THOP1: variants seen among roughly 807,000 people sequenced by gnomAD.
The protein encoded by THOP1 is thimet oligopeptidase 1.
Under a neutral mutation model 71.8 loss-of-function variants are expected in THOP1, and 49 were observed. The observed-to-expected ratio is 0.68, with a 90% CI of 0.54 to 0.87. THOP1 has a LOEUF of 0.87. THOP1 is among the 40% of genes least tolerant of loss of function. The pLI is 0.00. For synonymous variants in THOP1, 426 were observed against 421.5 expected, an observed-to-expected ratio of 1.01 and a Z score of -0.13; for missense variants, 843 against 975.6, an observed-to-expected ratio of 0.86 and a Z score of 1.81.
Position 2,797,669 on chromosome 19 carries a change from T to C in THOP1, c.486+1481T>C, listed in dbSNP as rs1320394456. On this transcript the variant is annotated intron_variant, in intron 4 of 12. Transcript: ENST00000307741. ...GGTTAAGCTGTGATGTTCGCTCCTA[T>C]TAAATGCATTTGTGATTTATGATAT... Among the ~76,000 whole-genome samples, 6 of 152,250 alleles carry C rather than the reference T, an allele frequency of 3.9e-5. No individual in the cohort carries two copies. The East Asian group carries it at 9.6e-4, about 24-fold the overall frequency.
intron 5 of THOP1, among the ~76,000 whole-genome samples, chr19:2,803,186 C>G (rs1383416987): frequency 6.6e-6 from 1 of 152,222 alleles, no homozygotes; most frequent in Non-Finnish European, 1.5e-5. Context: ...GACTTAGGCA[C>G]CGGATGTGTT....
In THOP1 at chr19:2,810,307, G is replaced by C; in HGVS notation, c.1459G>C (p.Glu487Gln). 6.2e-7 allele frequency: 1 copy of C among 1,610,748 alleles called. No homozygotes were observed. The change falls in exon 10 of 13, where the codon GAG becomes CAG. Residue 487 changes from glutamate (E) to glutamine (Q), a missense_variant. By Grantham distance (29) the Glu-to-Gln change is conservative (BLOSUM62 2). Transcript: ENST00000307741. ...HVMHQLCSQA[E>Q]FAMFSGTHVE... ...AGGCTCTGCCCCATCCCTGCAGGCG[G>C]AGTTCGCCATGTTCAGCGGGACCCA...
rs1428248231 is a variant in THOP1 at position 2,814,363 on chromosome 19, C to T, written c.*1087C>T. 3 of 152,318 alleles carry T rather than the reference C, an allele frequency of 2.0e-5. No homozygotes were observed. The highest frequency in any genetic ancestry group is 4.4e-5 in the Non-Finnish European group (3 of 68,106). 9.4% of individuals were successfully genotyped at this position (152,318 alleles called of 1,614,324 possible). A position where few individuals can be genotyped will look rare whatever the true frequency, so the allele number is the denominator to read the frequency against. On this transcript the variant is annotated 3_prime_UTR_variant, in exon 13 of 13. Coordinates refer to ENST00000307741, the MANE Select transcript of THOP1 (RefSeq NM_003249.5). ...CTGTGAGTTTCTCAGGAGCCCCCCT[C>T]GTGCCCTGGGAGCGTCCCTCCCCAG...
At chr19:2,807,829 C>CG in intron 8 of THOP1, 21 bp downstream of exon 8, 4 of 1,441,394 alleles carry the variant, frequency 2.8e-6, no homozygotes, top group South Asian at 2.9e-5. Flanking sequence ...GCAGCGGGGG[C>CG]GGGGGGCGCA....
intron 9 of THOP1, among the ~76,000 whole-genome samples, chr19:2,808,653 C>T (rs1447293820): frequency 6.6e-6 from 1 of 152,280 alleles, no homozygotes; most frequent in African/African-American, 2.4e-5. Context: ...AGGGCTTACA[C>T]AAGGTGCGTG....
chr19:2,785,913 C>G (rs925996497), intron 1 of THOP1, among the ~76,000 whole-genome samples: 2 of 152,078 alleles, frequency 1.3e-5, no homozygotes, highest in African/African-American at 4.8e-5. Context: ...CCGGATGGGT[C>G]GGGCCCCGTG....
intron 1 of THOP1, among the ~76,000 whole-genome samples, chr19:2,785,899 C>T (rs1308605634): frequency 6.6e-6 from 1 of 152,194 alleles, no homozygotes; most frequent in Non-Finnish European, 1.5e-5. Flanking sequence ...ATGGCGCTTC[C>T]CTTCCGGATG....
rs759470612 is a variant in THOP1 at position 2,810,787 on chromosome 19, G to T, written c.1771+19G>T. On this transcript the variant is annotated intron_variant, in intron 11 of 12. Coordinates refer to ENST00000307741, the MANE Select transcript of THOP1 (RefSeq NM_003249.5). ...ACGCCAGGTAGCCACCCTTGAGCCGGGCACACCCTGGAATTTGGAGCCTCA... is the reference window on the plus strand; with the variant it reads ...ACGCCAGGTAGCCACCCTTGAGCCGTGCACACCCTGGAATTTGGAGCCTCA... 1.3e-6 allele frequency: 2 copies of T among 1,594,336 alleles called. No individual in the cohort carries two copies. Among genetic ancestry groups the T allele is most frequent in the South Asian group, 2.2e-5 (2 of 89,142 alleles).
chr19:2,796,208 AGT>A lies in THOP1; in HGVS notation c.486+22_486+23del. On this transcript the variant is annotated intron_variant, in intron 4 of 12. Coordinates refer to ENST00000307741, the MANE Select transcript of THOP1 (RefSeq NM_003249.5). ...CAGGAAGTGAGTGCTGGGTGTAGGG[AGT>A]GCTGGGCGTGGGCAATGGTCGATCC... The A allele has an allele frequency of 6.3e-7, 1 of 1,591,666 alleles. No homozygotes were observed. Among genetic ancestry groups the A allele is most frequent in the Non-Finnish European group, 8.6e-7 (1 of 1,162,710 alleles).
rs1181143693 is a variant in THOP1 at position 2,813,103 on chromosome 19, T to C, written c.1909-12T>C. 6 of 1,602,306 alleles carry C rather than the reference T, an allele frequency of 3.7e-6. No individual in the cohort carries two copies. Among genetic ancestry groups the C allele is most frequent in the Non-Finnish European group, 4.3e-6 (5 of 1,173,544 alleles). On this transcript the variant is annotated splice_polypyrimidine_tract_variant and intron_variant, in intron 12 of 12. Transcript: ENST00000307741. ...GTCCCCACCCGGCCACAGTGCCCTG[T>C]CTCCTCGGCAGGTTGGCATGGATTA... is the stretch of plus-strand genomic sequence containing the variant.
chr19:2,786,106 C>T (rs1040644257), intron 1 of THOP1, among the ~76,000 whole-genome samples: 1 of 151,750 alleles, frequency 6.6e-6, no homozygotes, highest in Non-Finnish European at 1.5e-5. Context: ...GAGGGTGGTT[C>T]CTGGGGGGCT....
At chr19:2,799,514 G>GT (rs750685615) in intron 4 of THOP1, among the ~76,000 whole-genome samples, 175 bp from the exon 5 acceptor site, 27 of 152,158 alleles carry the variant, frequency 1.8e-4, no homozygotes, top group Non-Finnish European at 3.5e-4. Flanking sequence ...CGTGGCCTCC[G>GT]TGTCTGTCTG....
rs1449892107 is a variant in THOP1, at chr19:2,811,969, C to T, written c.1908+235C>T. 17 of 1,112,142 alleles carry T rather than the reference C, an allele frequency of 1.5e-5. No individual in the cohort carries two copies. The Admixed American group carries it at 2.4e-4, about 16-fold the overall frequency. The allele number at this position is 1,112,142 out of a possible 1,614,324, so 68.9% of individuals were successfully genotyped here. A position where few individuals can be genotyped will look rare whatever the true frequency, so the allele number is the denominator to read the frequency against. On this transcript the variant is annotated intron_variant, in intron 12 of 12. Coordinates refer to ENST00000307741, the MANE Select transcript of THOP1 (RefSeq NM_003249.5). ...GGTGTGCCGGGTGAGCCATCCCGGC[C>T]GAGGCACCTGCTGGTCTTGGTGCGG...
chr19:2,797,547 G>A (rs1430101517), intron 4 of THOP1, among the ~76,000 whole-genome samples: 1 of 152,256 alleles, frequency 6.6e-6, no homozygotes, highest in African/African-American at 2.4e-5. Context: ...GAAGTTACAT[G>A]AGATACCCAA....
rs2144770380 is a variant in THOP1, at chr19:2,801,685, G to T, written c.589+1894G>T. Among the ~76,000 whole-genome samples the T allele has an allele frequency of 6.6e-6, 1 of 152,304 alleles. No homozygotes were observed. The highest frequency in any genetic ancestry group is 1.5e-5 in the Non-Finnish European group (1 of 68,004). On this transcript the variant is annotated intron_variant, in intron 5 of 12. Coordinates refer to ENST00000307741, the MANE Select transcript of THOP1 (RefSeq NM_003249.5). The surrounding 1 kb of genome is among the most constrained non-coding windows in gnomAD (Gnocchi z 5.1). Reference sequence around the variant, plus strand: ...TTGTCACAGCTCTGGAGGCTGAGAAGTCCCAGGTCGAGGGGCCATATCTGG... The same window carrying T: ...TTGTCACAGCTCTGGAGGCTGAGAATTCCCAGGTCGAGGGGCCATATCTGG...
intron 1 of THOP1, among the ~76,000 whole-genome samples, chr19:2,788,051 C>G (rs146515881): frequency 6.6e-6 from 1 of 152,138 alleles, no homozygotes; most frequent in Non-Finnish European, 1.5e-5. Flanking sequence ...AAAATGTCCC[C>G]GGCCCCAAGA....
intron 12 of THOP1, 134 bp from the exon 13 acceptor site, chr19:2,812,981 G>A (rs936815526): frequency 5.4e-5 from 56 of 1,029,240 alleles, no homozygotes; most frequent in South Asian, 6.8e-5. Context: ...TGATGCAGGC[G>A]GCCCCCGGGC....
At chr19:2,800,035 T>G (rs1916109607) in intron 5 of THOP1, among the ~76,000 whole-genome samples, 1 of 152,172 alleles carries the variant, frequency 6.6e-6, no homozygotes, top group African/African-American at 2.4e-5. Flanking sequence ...CCCACCAAGA[T>G]TCCACCCTGA....
At chr19:2,793,589 C>G (rs1442076656) in intron 2 of THOP1, among the ~76,000 whole-genome samples, 1 of 152,148 alleles carries the variant, frequency 6.6e-6, no homozygotes, top group Non-Finnish European at 1.5e-5. Context: ...ACTCGGGAGG[C>G]CGAGGCAGGA....
Sources: allele counts gnomAD v4.1 joint callset (sites outside exome capture counted in the v4.1 genomes callset), GRCh38; gene constraint gnomAD v4.1.1; non-coding constraint Gnocchi (gnomAD v3.1); transcripts MANE v1.5; gene names NCBI Gene and HGNC (gene_info 2026-07-23, HGNC 2026-07-21).